Variants in ARHGAP8 observed in about 807,000 individuals in gnomAD.
ARHGAP8 encodes the protein Rho GTPase activating protein 8.
A neutral mutation model predicts 46.1 loss-of-function variants in ARHGAP8; 62 were observed. The observed-to-expected ratio is 1.34, with a 90% CI of 1.10 to 1.66. The LOEUF is 1.66. Among genes scored for constraint, ARHGAP8 ranks in the 40% most tolerant of loss-of-function variants. ARHGAP8 has a pLI of 0.00. For synonymous variants in ARHGAP8, 375 were observed against 243.1 expected (o/e 1.54, Z -5.05); for missense variants, 923 against 568.4 (o/e 1.62, Z -6.34).
intron 10 of ARHGAP8, among the ~76,000 whole-genome samples, chr22:44,854,015 ACT>A (rs1441021127): frequency 8.6e-6 from 1 of 115,990 alleles, no homozygotes; most frequent in Non-Finnish European, 1.7e-5. Flanking sequence ...ACACAGCGAG[ACT>A]CTGTCTCAAA....
At chr22:44,841,245 T>C (rs984795933) in intron 7 of ARHGAP8, among the ~76,000 whole-genome samples, 11 of 152,194 alleles carry the variant, frequency 7.2e-5, no homozygotes, top group African/African-American at 2.7e-4. Context: ...TTTTTTCTTT[T>C]TTAGAATTGT....
intron 10 of ARHGAP8, among the ~76,000 whole-genome samples, chr22:44,859,073 C>G (rs1421586566): frequency 6.6e-6 from 1 of 150,818 alleles, no homozygotes; most frequent in Non-Finnish European, 1.5e-5. Context: ...AGTTTGCCAA[C>G]CCCTGGTCTA....
At chr22:44,829,133 A>AAAG (rs1435328186) in intron 7 of ARHGAP8, among the ~76,000 whole-genome samples, 1 of 147,830 alleles carries the variant, frequency 6.8e-6, no homozygotes, top group Non-Finnish European at 1.5e-5. Context: ...AAAAAAAAAA[A>AAAG]AAAAAAAAAA....
chr22:44,772,546 T>C (rs9614917), intron 1 of ARHGAP8, among the ~76,000 whole-genome samples: 2 of 151,968 alleles, frequency 1.3e-5, no homozygotes, highest in African/African-American at 4.8e-5. Flanking sequence ...TTGGTCATGA[T>C]AGGTTGTACT....
chr22:44,850,435 G>C (rs1357884173), intron 10 of ARHGAP8: 1 of 152,200 alleles, frequency 6.6e-6, no homozygotes, highest in African/African-American at 2.4e-5. Context: ...GGCCAGAGCA[G>C]GCAAGATGGA....
At chr22:44,755,797 T>C (rs1377303845) in intron 1 of ARHGAP8, among the ~76,000 whole-genome samples, 2 of 152,134 alleles carry the variant, frequency 1.3e-5, no homozygotes, top group Non-Finnish European at 2.9e-5. Context: ...GTGGGGATAA[T>C]GTCAGGGCTC....
chr22:44,756,764 G>T (rs1224813872), intron 1 of ARHGAP8, among the ~76,000 whole-genome samples: 2 of 151,708 alleles, frequency 1.3e-5, no homozygotes, highest in Admixed American at 6.6e-5. Flanking sequence ...CTTTATTTAG[G>T]CATAATTGGC....
intron 7 of ARHGAP8, among the ~76,000 whole-genome samples, chr22:44,835,219 TTG>T (rs1374989663): frequency 6.8e-6 from 1 of 146,320 alleles, no homozygotes; most frequent in Non-Finnish European, 1.5e-5. Context: ...TTTCAATTTT[TTG>T]TTTCTTTTGC....
At chr22:44,795,393 C>T (rs932286784) in intron 2 of ARHGAP8, among the ~76,000 whole-genome samples, 1 of 152,066 alleles carries the variant, frequency 6.6e-6, no homozygotes, top group Admixed American at 6.6e-5. Context: ...TACCTCGGGC[C>T]CTGTGGCTGG....
chr22:44,836,782 G>C (rs1931316566), intron 7 of ARHGAP8, among the ~76,000 whole-genome samples: 6 of 151,980 alleles, frequency 3.9e-5, no homozygotes, highest in Admixed American at 3.9e-4. Flanking sequence ...TGGGTGCCCA[G>C]CTGAGGCAGG....
intron 1 of ARHGAP8, among the ~76,000 whole-genome samples, chr22:44,768,978 G>T (rs193039252): frequency 6.6e-6 from 1 of 151,974 alleles, no homozygotes; most frequent in Non-Finnish European, 1.5e-5. Context: ...GGGATTACAC[G>T]TGTGCACCAT....
chr22:44,784,125 C>T (rs1379912210), intron 1 of ARHGAP8, among the ~76,000 whole-genome samples: 1 of 152,166 alleles, frequency 6.6e-6, no homozygotes, highest in African/African-American at 2.4e-5. Flanking sequence ...AGTACACTGC[C>T]AGCCACGGTG....
At chr22:44,781,689 ATT>A (rs11310716) in intron 1 of ARHGAP8, among the ~76,000 whole-genome samples, 1 of 151,650 alleles carries the variant, frequency 6.6e-6, no homozygotes, top group Non-Finnish European at 1.5e-5. Flanking sequence ...CGCCCGGCTA[ATT>A]TTTTTGTATT....
At chr22:44,852,364 T>C (rs938691052) in intron 10 of ARHGAP8, among the ~76,000 whole-genome samples, 3 of 150,790 alleles carry the variant, frequency 2.0e-5, no homozygotes, top group African/African-American at 7.5e-5. Context: ...CCTCTGGACA[T>C]AGGGAAGACC....
chr22:44,784,548 T>G (rs951190428), intron 1 of ARHGAP8, among the ~76,000 whole-genome samples: 6 of 152,226 alleles, frequency 3.9e-5, no homozygotes, highest in Non-Finnish European at 5.9e-5. Context: ...CCATTTTCTA[T>G]CAGGGATTTG....
chr22:44,854,059 A>C (rs1454623868), intron 10 of ARHGAP8, among the ~76,000 whole-genome samples: 1 of 142,948 alleles, frequency 7.0e-6, no homozygotes. Context: ...AAAAAAAAAA[A>C]AAACCATCAG....
chr22:44,816,823 AAG>A (rs1929778858), intron 5 of ARHGAP8, among the ~76,000 whole-genome samples: 2 of 150,572 alleles, frequency 1.3e-5, no homozygotes, highest in African/African-American at 4.9e-5. Context: ...AAAAAAAAAA[AAG>A]AACTGCCCTG....
intron 6 of ARHGAP8, 138 bp downstream of exon 6, chr22:44,822,607 C>G (rs9941938): frequency 0.025 from 17,546 of 705,306 alleles, 366 homozygotes; most frequent in African/African-American, 0.078. Context: ...TCTGCGGCAT[C>G]GACAAAGATC....
chr22:44,840,708 C>T (rs143127036), intron 7 of ARHGAP8, among the ~76,000 whole-genome samples: 91 of 152,258 alleles, frequency 6.0e-4, no homozygotes, highest in African/African-American at 2.0e-3. Flanking sequence ...TTGTCAGTGC[C>T]GTTGGCTCAC....
Sources: gnomAD v4.1 joint callset for allele counts (sites outside exome capture counted in the v4.1 genomes callset) on GRCh38, gnomAD v4.1.1 for gene constraint, MANE v1.5 for transcripts, NCBI Gene and HGNC (gene_info 2026-07-23, HGNC 2026-07-21) for gene names.